The following TMEM144 variants were observed in gnomAD, a reference collection of about 807,000 sequenced individuals.
The protein encoded by TMEM144 is transmembrane protein 144.
In TMEM144, 39 loss-of-function variants were observed where a neutral mutation model predicts 43.6. The observed-to-expected ratio is 0.90, with a 90% CI of 0.69 to 1.17. The LOEUF is 1.17. TMEM144 is among the 50% of genes most tolerant of loss of function. The probability of loss-of-function intolerance (pLI) is 0.00; values close to 1 mark genes in which losing one functional copy is unlikely to be tolerated. For synonymous variants in TMEM144, 154 were observed against 133.6 expected, an observed-to-expected ratio of 1.15 and a Z score of -1.06; for missense variants, 417 against 411.9, an observed-to-expected ratio of 1.01 and a Z score of -0.11.
At chr4:158,250,276 G>T (rs1736138333) in intron 12 of TMEM144, among the ~76,000 whole-genome samples, 2 of 147,204 alleles carry the variant, frequency 1.4e-5, no homozygotes, top group African/African-American at 2.5e-5. Context: ...TAATACAAAA[G>T]ACCTTTCCTT....
intron 6 of TMEM144, among the ~76,000 whole-genome samples, chr4:158,220,240 T>C (rs974198536): frequency 2.0e-5 from 3 of 152,208 alleles, no homozygotes; most frequent in Non-Finnish European, 2.9e-5. Flanking sequence ...CCCAGGCCAA[T>C]TGGAGAAAAA....
chr4:158,214,058 A>C (rs1308203218), intron 3 of TMEM144: 1 of 151,772 alleles, frequency 6.6e-6, no homozygotes, highest in Non-Finnish European at 1.5e-5. Context: ...TTTTGGGGAG[A>C]TAGAGTCTCA....
chr4:158,242,905 C>T (rs924439321), intron 11 of TMEM144, among the ~76,000 whole-genome samples: 3 of 152,204 alleles, frequency 2.0e-5, no homozygotes, highest in African/African-American at 7.2e-5. Flanking sequence ...TTTGGCTCTC[C>T]TTGGCCTGAA....
chr4:158,219,362 T>C lies in TMEM144; in HGVS notation c.385T>C (p.Tyr129His). ...AEEVSNPLLN[Y>H]IGAGLSVVSA... Reference sequence around the variant, plus strand: ...AGAAGTATCAAATCCGCTGCTAAATTACATTGGAGCTGGGCTATCAGTAGT... The same window carrying C: ...AGAAGTATCAAATCCGCTGCTAAATCACATTGGAGCTGGGCTATCAGTAGT... The change falls in exon 6 of 13, where the codon TAC becomes CAC. Residue 129 changes from tyrosine to histidine, a missense_variant. Tyr to His is a moderately conservative substitution (Grantham distance 83, BLOSUM62 2). Transcript: ENST00000296529. 2 of 1,613,924 alleles carry C rather than the reference T, an allele frequency of 1.2e-6. No individual in the cohort carries two copies. The highest frequency in any genetic ancestry group is 2.2e-5 in the South Asian group (2 of 91,072).
intron 6 of TMEM144, among the ~76,000 whole-genome samples, chr4:158,230,690 A>G (rs1257168695): frequency 6.6e-6 from 1 of 151,898 alleles, no homozygotes; most frequent in Non-Finnish European, 1.5e-5. Context: ...ACTCATATAT[A>G]TTAGGCTTTA....
intron 8 of TMEM144, among the ~76,000 whole-genome samples, chr4:158,236,184 C>T (rs1173624899): frequency 6.6e-6 from 1 of 152,044 alleles, no homozygotes; most frequent in Non-Finnish European, 1.5e-5. Flanking sequence ...AATATAAAGC[C>T]TTCTTTTTGA....
chr4:158,225,193 C>G (rs1000737632), intron 6 of TMEM144, among the ~76,000 whole-genome samples: 1 of 152,168 alleles, frequency 6.6e-6, no homozygotes, highest in Admixed American at 6.5e-5. Context: ...TGGGGGCCAG[C>G]CTTTGGAAAC....
At chr4:158,238,585 A>G (rs1735474649) in intron 9 of TMEM144, among the ~76,000 whole-genome samples, 1 of 152,222 alleles carries the variant, frequency 6.6e-6, no homozygotes, top group Non-Finnish European at 1.5e-5. Context: ...AATTAAAACA[A>G]GGTCTCACTA....
At chr4:158,244,741 A>T (rs2111148184) in intron 12 of TMEM144, among the ~76,000 whole-genome samples, 1 of 152,306 alleles carries the variant, frequency 6.6e-6, no homozygotes, top group Non-Finnish European at 1.5e-5. Flanking sequence ...TTATCTGAAA[A>T]CTGCCTGTGG....
chr4:158,236,932 A>C (rs1028254643), intron 8 of TMEM144, among the ~76,000 whole-genome samples: 4 of 152,166 alleles, frequency 2.6e-5, no homozygotes, highest in African/African-American at 9.7e-5. Context: ...TCCAGTGCTG[A>C]AAATGAAACA....
At chr4:158,213,186 T>C (rs760797913) in intron 3 of TMEM144, 53 of 205,942 alleles carry the variant, frequency 2.6e-4, no homozygotes, top group Non-Finnish European at 4.8e-5. Context: ...CACAGAAGAC[T>C]GCACCTAGAT....
intron 3 of TMEM144, chr4:158,213,011 T>C (rs1022852034): frequency 1.8e-6 from 1 of 563,768 alleles, no homozygotes; most frequent in South Asian, 2.3e-5. Context: ...AGGAAATCTC[T>C]TGGGCCATTA....
intron 6 of TMEM144, among the ~76,000 whole-genome samples, chr4:158,222,947 T>G (rs1734579911): frequency 6.6e-6 from 1 of 152,254 alleles, no homozygotes; most frequent in South Asian, 2.1e-4. Flanking sequence ...TTGTATTTGA[T>G]GTACTGCACC....
intron 7 of TMEM144, 120 bp downstream of exon 7, chr4:158,233,102 ATATCT>A: frequency 4.3e-6 from 3 of 698,068 alleles, no homozygotes; most frequent in South Asian, 2.2e-5. Context: ...GCTATGTAAA[ATATCT>A]TAGCTTATTT....
rs757373404 is a variant in TMEM144, at chr4:158,212,746, G to A, written c.79G>A (p.Val27Met). The A allele has an allele frequency of 6.2e-7, 1 of 1,613,724 alleles. No individual in the cohort carries two copies. The highest frequency in any genetic ancestry group is 8.5e-7 in the Non-Finnish European group (1 of 1,179,798). Residue 27 changes from valine (V) to methionine (M), a missense_variant, in exon 3 of 13, where the codon GTG (valine) becomes ATG (methionine). Coordinates refer to ENST00000296529, the MANE Select transcript of TMEM144 (RefSeq NM_018342.5). Reference sequence around the variant, plus strand: ...TATCCTTTTGTTTGGCTCAAATTTTGTGCCACTTAAAAAATTTGATACTGG... The same window carrying A: ...TATCCTTTTGTTTGGCTCAAATTTTATGCCACTTAAAAAATTTGATACTGG... ...VAILLFGSNFVPLKKFDTGDG... is the reference protein window; with the variant it reads ...VAILLFGSNFMPLKKFDTGDG...
intron 11 of TMEM144, among the ~76,000 whole-genome samples, chr4:158,242,007 CAG>C (rs947347914): frequency 1.3e-5 from 2 of 152,142 alleles, no homozygotes; most frequent in African/African-American, 4.8e-5. Context: ...TTATAGTAGA[CAG>C]AGAGTTGGTT....
At chr4:158,217,235 T>C (rs1734267324) in intron 4 of TMEM144, 86 bp from the exon 5 acceptor site, 7 of 930,666 alleles carry the variant, frequency 7.5e-6, no homozygotes, top group Non-Finnish European at 1.1e-5. Flanking sequence ...TGCACTTCAG[T>C]TGAAGTTAGA....
chr4:158,226,029 C>T (rs1734748783), intron 6 of TMEM144, among the ~76,000 whole-genome samples: 3 of 152,232 alleles, frequency 2.0e-5, no homozygotes, highest in African/African-American at 7.2e-5. Context: ...ATCTGGGCCT[C>T]TGGCCTGCCA....
At chr4:158,233,393 G>A (rs149519959) in intron 7 of TMEM144, 2 of 153,044 alleles carry the variant, frequency 1.3e-5, no homozygotes, top group East Asian at 3.8e-4. Context: ...GAAGTCCTAT[G>A]AGAATAGGAA....
Sources: gnomAD v4.1 joint callset for allele counts (sites outside exome capture counted in the v4.1 genomes callset) on GRCh38, gnomAD v4.1.1 for gene constraint, MANE v1.5 for transcripts, NCBI Gene and HGNC (gene_info 2026-07-23, HGNC 2026-07-21) for gene names.